The following CCDC171 variants were observed in gnomAD, a reference collection of about 807,000 sequenced individuals.
The protein encoded by CCDC171 is coiled-coil domain-containing protein 171.
In CCDC171, 177 loss-of-function variants were observed where a neutral mutation model predicts 168.2. The observed-to-expected ratio is 1.05, with a 90% CI of 0.93 to 1.19. The LOEUF is 1.19. Ranked by LOEUF, CCDC171 falls within the 50% of genes most tolerant of loss-of-function variation. CCDC171 has a pLI of 0.00. For synonymous variants in CCDC171, 687 were observed against 540.8 expected, an observed-to-expected ratio of 1.27 and a Z score of -3.75; for missense variants, 1,991 against 1,539.0, an observed-to-expected ratio of 1.29 and a Z score of -4.91.
At chr9:15,575,291 T>G (rs1401808140) in intron 3 of CCDC171, among the ~76,000 whole-genome samples, 1 of 149,206 alleles carries the variant, frequency 6.7e-6, no homozygotes, top group East Asian at 2.1e-4. Flanking sequence ...TACATCAGCC[T>G]CCTGAGGAGC....
chr9:15,581,938 A>G (rs867554919), intron 4 of CCDC171, among the ~76,000 whole-genome samples: 1 of 152,254 alleles, frequency 6.6e-6, no homozygotes, highest in African/African-American at 2.4e-5. Context: ...AATGGGATCT[A>G]ATTAAACTAA....
chr9:16,106,244 A>G, the CCDC171 span, among the ~76,000 whole-genome samples: 1 of 152,172 alleles, frequency 6.6e-6, no homozygotes, highest in African/African-American at 2.4e-5. Context: ...TAAGCAAACA[A>G]CTGCTTTTTT....
chr9:15,847,807 C>G (rs2060965194), intron 22 of CCDC171, among the ~76,000 whole-genome samples: 1 of 151,976 alleles, frequency 6.6e-6, no homozygotes, highest in Non-Finnish European at 1.5e-5. Flanking sequence ...TATTCATAAG[C>G]TTTGCCACAG....
chr9:15,811,854 CT>C (rs1463206840), intron 21 of CCDC171, among the ~76,000 whole-genome samples: 19 of 152,242 alleles, frequency 1.2e-4, no homozygotes, highest in African/African-American at 4.1e-4. Context: ...TAACCAGTAC[CT>C]AAAGTGTGAG....
exon 2 of CCDC171, chr9:16,061,109 G>A (rs1833926130): frequency 6.6e-6 from 1 of 152,208 alleles, no homozygotes; most frequent in African/African-American, 2.4e-5. Context: ...TGGGAGCCTG[G>A]GTCCCAATTT....
chr9:15,787,516 CTCT>C (rs1177786979), intron 21 of CCDC171, among the ~76,000 whole-genome samples: 1 of 152,016 alleles, frequency 6.6e-6, no homozygotes, highest in East Asian at 1.9e-4. Context: ...CCTTTCCCTC[CTCT>C]TCTTCCTTTT....
At chr9:15,703,467 A>G (rs1368235303) in intron 11 of CCDC171, among the ~76,000 whole-genome samples, 2 of 152,118 alleles carry the variant, frequency 1.3e-5, no homozygotes, top group African/African-American at 4.8e-5. Flanking sequence ...CCTCCATGAG[A>G]TCAATTTTTT....
At chr9:15,809,785 G>T (rs1194312252) in intron 21 of CCDC171, among the ~76,000 whole-genome samples, 1 of 152,196 alleles carries the variant, frequency 6.6e-6, no homozygotes, top group Non-Finnish European at 1.5e-5. Context: ...AAAGAACAAA[G>T]CTTCCACAAT....
At position 15,695,466 on chromosome 9, in the gene CCDC171, C is replaced by T; in HGVS notation, c.1318+129C>T. ...TTTTGATTTGATGACATGATAAGAG[C>T]AGTTCTCACAGCAGTCAGTTGGCCT... On this transcript the variant is annotated intron_variant, in intron 11 of 25. Transcript: ENST00000380701. The T allele has an allele frequency of 4.2e-6, 3 of 716,248 alleles. No homozygotes were observed. In the Admixed American group the frequency reaches 6.1e-5, roughly 15 times the overall value. The allele number at this position is 716,248 out of a possible 1,614,324, so 44.4% of individuals were successfully genotyped here. A position where few individuals can be genotyped will look rare whatever the true frequency, so the allele number is the denominator to read the frequency against.
At chr9:15,841,288 G>A (rs989412093) in intron 21 of CCDC171, among the ~76,000 whole-genome samples, 2 of 151,978 alleles carry the variant, frequency 1.3e-5, no homozygotes, top group South Asian at 2.1e-4. Context: ...AATAAATGAG[G>A]CAGAAATAAT....
At chr9:15,653,193 G>A (rs375639244) in intron 7 of CCDC171, among the ~76,000 whole-genome samples, 44 of 152,274 alleles carry the variant, frequency 2.9e-4, no homozygotes, top group African/African-American at 1.0e-3. Context: ...AGGTTGGAGT[G>A]CAGTAGCACC....
At chr9:15,587,760 C>G in intron 4 of CCDC171, 1 of 386,834 alleles carries the variant, frequency 2.6e-6, no homozygotes, top group Non-Finnish European at 5.3e-6. Context: ...AGTAGACAAC[C>G]AAGAGTTACC....
chr9:15,779,400 C>T (rs10756703), intron 20 of CCDC171, among the ~76,000 whole-genome samples: 59,381 of 151,740 alleles, frequency 0.39, 13,297 homozygotes, highest in East Asian at 0.65. Flanking sequence ...CACTCTGTTG[C>T]CCAGGCTGGA....
the CCDC171 span, among the ~76,000 whole-genome samples, chr9:16,066,970 T>C: frequency 6.6e-6 from 1 of 152,028 alleles, no homozygotes; most frequent in African/African-American, 2.4e-5. Context: ...CCTTTGGGTA[T>C]ATACCCAGTA....
chr9:15,609,584 G>A (rs564037744), intron 6 of CCDC171, among the ~76,000 whole-genome samples: 1 of 152,226 alleles, frequency 6.6e-6, no homozygotes, highest in South Asian at 2.1e-4. Context: ...TCAATTGTCT[G>A]TTCTTTTACC....
intron 4 of CCDC171, among the ~76,000 whole-genome samples, chr9:15,586,829 AC>A (rs1170460995): frequency 2.0e-5 from 3 of 152,012 alleles, no homozygotes; most frequent in Non-Finnish European, 4.4e-5. Flanking sequence ...ACTTTTAGAG[AC>A]AGAGTATCAC....
intron 25 of CCDC171, among the ~76,000 whole-genome samples, chr9:15,957,784 C>T (rs960329458): frequency 5.3e-5 from 8 of 152,194 alleles, no homozygotes; most frequent in Non-Finnish European, 1.2e-4. Context: ...GGACTCCTGT[C>T]TGAATGTCTT....
chr9:15,874,939 T>A (rs1817650114), intron 24 of CCDC171: 1 of 208,858 alleles, frequency 4.8e-6, no homozygotes, highest in Non-Finnish European at 9.4e-6. Context: ...GAAAATACTT[T>A]CCTATCAGCA....
At chr9:15,939,832 C>G (rs1341777224) in intron 25 of CCDC171, among the ~76,000 whole-genome samples, 1 of 151,600 alleles carries the variant, frequency 6.6e-6, no homozygotes, top group Admixed American at 6.6e-5. Context: ...TGAGACACCC[C>G]GGAACAAATG....
Sources: gnomAD v4.1 joint callset for allele counts (sites outside exome capture counted in the v4.1 genomes callset) on GRCh38, gnomAD v4.1.1 for gene constraint, MANE v1.5 for transcripts, NCBI Gene and HGNC (gene_info 2026-07-23, HGNC 2026-07-21) for gene names.